The following ADI1 variants were observed in gnomAD, a reference collection of about 807,000 sequenced individuals.
ADI1 encodes the protein acireductone dioxygenase.
A neutral mutation model predicts 18.7 loss-of-function variants in ADI1; 21 were observed. The ratio of observed to expected loss-of-function variants is 1.13; its 90% confidence interval spans 0.80 to 1.62. ADI1 has a LOEUF of 1.62. Among genes scored for constraint, ADI1 ranks in the 40% most tolerant of loss-of-function variants. The probability of loss-of-function intolerance (pLI) is 0.00; values close to 1 mark genes in which losing one functional copy is unlikely to be tolerated. For missense variants in ADI1, 245 were observed against 254.9 expected, an observed-to-expected ratio of 0.96 and a Z score of 0.26; for synonymous variants, 90 against 100.1, an observed-to-expected ratio of 0.90 and a Z score of 0.60.
chr2:3,504,641 T>C (rs1667131093), intron 2 of ADI1, among the ~76,000 whole-genome samples: 1 of 152,270 alleles, frequency 6.6e-6, no homozygotes, highest in Admixed American at 6.5e-5. Context: ...CTTCTGCTCT[T>C]AGTTCTATCT....
At chr2:3,510,497 A>G (rs930202788) in intron 2 of ADI1, among the ~76,000 whole-genome samples, 3 of 152,198 alleles carry the variant, frequency 2.0e-5, no homozygotes, top group African/African-American at 7.2e-5. Flanking sequence ...AGAAAAATCA[A>G]TGAAACCTAA....
intron 2 of ADI1, among the ~76,000 whole-genome samples, chr2:3,503,415 G>A (rs1432885647): frequency 7.0e-6 from 1 of 142,750 alleles, no homozygotes; most frequent in Admixed American, 7.0e-5. Flanking sequence ...ACATGCACAC[G>A]TACACACACG....
chr2:3,511,690 A>G (rs1470877176), intron 2 of ADI1, among the ~76,000 whole-genome samples: 3 of 152,254 alleles, frequency 2.0e-5, no homozygotes, highest in Non-Finnish European at 4.4e-5. Context: ...TTTGGAATTG[A>G]GTAACACGCA....
chr2:3,500,351 G>A (rs1370957686), intron 3 of ADI1, among the ~76,000 whole-genome samples: 2 of 136,360 alleles, frequency 1.5e-5, no homozygotes, highest in Non-Finnish European at 3.1e-5. Context: ...TGCCAATCCT[G>A]ACTGGACTGC....
intron 1 of ADI1, chr2:3,517,319 C>T (rs1667430377): frequency 6.6e-6 from 1 of 152,182 alleles, no homozygotes; most frequent in African/African-American, 2.4e-5. Context: ...CCCTACAAAA[C>T]CCACTGTTGT....
chr2:3,511,123 CAGTG>C (rs755823453), intron 2 of ADI1, among the ~76,000 whole-genome samples: 15 of 152,334 alleles, frequency 9.8e-5, no homozygotes, highest in Non-Finnish European at 1.8e-4. Flanking sequence ...GTCTTCACCA[CAGTG>C]AGTGACTTCT....
intron 2 of ADI1, among the ~76,000 whole-genome samples, chr2:3,504,492 C>T (rs1350378664): frequency 6.6e-6 from 1 of 152,186 alleles, no homozygotes; most frequent in Non-Finnish European, 1.5e-5. Context: ...TTTACATCCA[C>T]CAGAATCTAA....
Position 3,513,894 on chromosome 2 carries a change from G to C in ADI1, c.203C>G (p.Thr68Ser). Reference sequence around the variant, plus strand: ...ATTTGGTAGTTTATCTTTGCATATGGTTATGATGTCCATCCAGGAGTAGTT... The same window carrying C: ...ATTTGGTAGTTTATCTTTGCATATGCTTATGATGTCCATCCAGGAGTAGTT... Reference protein sequence around the residue: ...ERNYSWMDIITICKDKLPNYE... With the variant: ...ERNYSWMDIISICKDKLPNYE... Residue 68 changes from threonine (T) to serine (S), a missense_variant, in exon 2 of 4, where the codon ACC (threonine) becomes AGC (serine). Coordinates refer to ENST00000327435, the MANE Select transcript of ADI1 (RefSeq NM_018269.4). 6.2e-7 allele frequency: 1 copy of C among 1,610,296 alleles called. No homozygotes were observed.
intron 1 of ADI1, chr2:3,515,465 ATTTAAGATG>A (rs778690786): frequency 2.8e-5 from 3 of 106,730 alleles, no homozygotes; most frequent in East Asian, 2.8e-4. Flanking sequence ...GTTTTCTGTT[ATTTAAGATG>A]TTTATCAAGA....
intron 2 of ADI1, among the ~76,000 whole-genome samples, chr2:3,509,829 T>C (rs1457163049): frequency 7.1e-6 from 1 of 141,418 alleles, no homozygotes; most frequent in Non-Finnish European, 1.5e-5. Context: ...ATTCCAACGC[T>C]ACAAAAAATT....
At chr2:3,504,835 T>C (rs1667137951) in intron 2 of ADI1, among the ~76,000 whole-genome samples, 1 of 152,050 alleles carries the variant, frequency 6.6e-6, no homozygotes, top group Non-Finnish European at 1.5e-5. Context: ...CTCACCTGTG[T>C]ATGTCTGCAT....
At chr2:3,503,624 A>T (rs1217165412) in intron 2 of ADI1, among the ~76,000 whole-genome samples, 1 of 152,122 alleles carries the variant, frequency 6.6e-6, no homozygotes, top group Non-Finnish European at 1.5e-5. Context: ...TCTGCAGGGC[A>T]CTCCCATCCG....
intron 2 of ADI1, among the ~76,000 whole-genome samples, chr2:3,503,976 G>C (rs1667111842): frequency 6.6e-6 from 1 of 152,196 alleles, no homozygotes; most frequent in Non-Finnish European, 1.5e-5. Flanking sequence ...GGCCATGACA[G>C]TCACAGCCCA....
At chr2:3,502,091 T>G (rs1482913690) in intron 2 of ADI1, among the ~76,000 whole-genome samples, 1 of 151,298 alleles carries the variant, frequency 6.6e-6, no homozygotes, top group African/African-American at 2.4e-5. Context: ...AGGGGCACAA[T>G]CATGACTCAC....
At chr2:3,518,196 TGCCCTGTTTC>T (rs1424639968) in intron 1 of ADI1, among the ~76,000 whole-genome samples, 1 of 152,242 alleles carries the variant, frequency 6.6e-6, no homozygotes, top group African/African-American at 2.4e-5. Context: ...TTAACATGCA[TGCCCTGTTTC>T]GCACTGGTAT....
chr2:3,513,608 A>G (rs140077899), intron 2 of ADI1, among the ~76,000 whole-genome samples: 2 of 152,296 alleles, frequency 1.3e-5, no homozygotes, highest in East Asian at 3.9e-4. Context: ...GCCTTCTGCC[A>G]TGTAAGCTTC....
At chr2:3,503,000 C>A (rs1412509115) in intron 2 of ADI1, among the ~76,000 whole-genome samples, 4 of 152,034 alleles carry the variant, frequency 2.6e-5, no homozygotes, top group Non-Finnish European at 5.9e-5. Context: ...AAAGGAAAGC[C>A]CTGTGGATGT....
chr2:3,500,180 A>G (rs4555373), intron 3 of ADI1, among the ~76,000 whole-genome samples: 75,245 of 151,968 alleles, frequency 0.5, 21,768 homozygotes, highest in African/African-American at 0.82. Context: ...AGAAACTGGG[A>G]GGCTGGGAAC....
intron 1 of ADI1, chr2:3,517,590 AC>A (rs1667436984): frequency 6.6e-6 from 1 of 152,128 alleles, no homozygotes; most frequent in Admixed American, 6.6e-5. Context: ...ACATGGAGAA[AC>A]CCTGTCTCTA....
Sources: allele counts gnomAD v4.1 joint callset (sites outside exome capture counted in the v4.1 genomes callset), GRCh38; gene constraint gnomAD v4.1.1; transcripts MANE v1.5; gene names NCBI Gene and HGNC (gene_info 2026-07-23, HGNC 2026-07-21).